C8A: variants seen among roughly 807,000 people sequenced by gnomAD.
C8A encodes the protein complement C8 alpha chain, also known as complement component C8 alpha chain.
Under a neutral mutation model 65.3 loss-of-function variants are expected in C8A, and 67 were observed. That is an observed-to-expected ratio of 1.03 (90% CI 0.84 to 1.26). The LOEUF (loss-of-function observed/expected upper bound fraction) is 1.26, where lower values mean the gene tolerates loss of function less well. Among genes scored for constraint, C8A ranks in the 50% most tolerant of loss-of-function variants. The probability of loss-of-function intolerance (pLI) is 0.00; values close to 1 mark genes in which losing one functional copy is unlikely to be tolerated. For synonymous variants in C8A, 290 were observed against 259.4 expected, an observed-to-expected ratio of 1.12 and a Z score of -1.13; for missense variants, 781 against 723.9, an observed-to-expected ratio of 1.08 and a Z score of -0.90.
Position 56,908,115 on chromosome 1 carries a change from TA to T in C8A, c.1380+4del. The T allele has an allele frequency of 6.2e-7, 1 of 1,614,032 alleles. No individual in the cohort carries two copies. Among genetic ancestry groups the T allele is most frequent in the Non-Finnish European group, 8.5e-7 (1 of 1,179,928 alleles). ...AATCCTGTTGTTATCGATTTTGAGG[TA>T]AGTCTTTTCGCAGTTGAAGAAACTC... On this transcript the variant is annotated splice_donor_region_variant and intron_variant, in intron 9 of 10. Coordinates refer to ENST00000361249, the MANE Select transcript of C8A (RefSeq NM_000562.3).
chr1:56,878,024 A>G (rs1006139942), intron 4 of C8A, among the ~76,000 whole-genome samples: 7 of 152,314 alleles, frequency 4.6e-5, no homozygotes, highest in African/African-American at 1.7e-4. Context: ...CTTTCTCACA[A>G]TTCTGGAGAC....
At chr1:56,907,024 T>C (rs1395431723) in intron 8 of C8A, among the ~76,000 whole-genome samples, 2 of 152,138 alleles carry the variant, frequency 1.3e-5, no homozygotes, top group South Asian at 2.1e-4. Flanking sequence ...CCCTCCTAGA[T>C]TTCAAGGGTT....
intron 6 of C8A, among the ~76,000 whole-genome samples, chr1:56,884,447 A>G (rs906796365): frequency 2.0e-5 from 3 of 152,180 alleles, no homozygotes; most frequent in Admixed American, 6.5e-5. Context: ...CATTAATACC[A>G]AGACTATGGA....
At chr1:56,912,712 TC>T in intron 10 of C8A, 87 bp downstream of exon 10, 1 of 1,225,378 alleles carries the variant, frequency 8.2e-7, no homozygotes, top group Non-Finnish European at 1.2e-6. Flanking sequence ...TCCCGGCCCC[TC>T]CTTTTGGAGC....
chr1:56,917,228 C>G (rs750395710), intron 10 of C8A, among the ~76,000 whole-genome samples: 1 of 152,202 alleles, frequency 6.6e-6, no homozygotes, highest in African/African-American at 2.4e-5. Flanking sequence ...AGGCATTTCC[C>G]CAAGGAGGAT....
chr1:56,881,546 G>A lies in C8A; in HGVS notation c.566G>A (p.Arg189Gln), dbSNP rs147003861. ...TVYNGEWREL[R>Q]YDSTCERLYY... ...TACAATGGGGAATGGAGGGAGCTTC[G>A]ATATGACTCCACCTGTGAACGTCTC... Residue 189 changes from arginine (R) to glutamine (Q), a missense_variant, in exon 5 of 11, where the codon CGA becomes CAA. Coordinates refer to ENST00000361249, the MANE Select transcript of C8A (RefSeq NM_000562.3). 3.3e-4 allele frequency: 540 copies of A among 1,613,622 alleles called. No individual in the cohort carries two copies. The highest frequency in any genetic ancestry group is 4.4e-4 in the Non-Finnish European group (516 of 1,179,736).
intron 7 of C8A, among the ~76,000 whole-genome samples, chr1:56,900,639 T>C (rs539852857): frequency 0.02 from 1,330 of 66,024 alleles, 10 homozygotes; most frequent in African/African-American, 0.095. Flanking sequence ...CTTTATAAAA[T>C]ATAGCATATT....
intron 2 of C8A, 49 bp from the exon 3 acceptor site, chr1:56,874,896 GTTGA>G (rs760474497): frequency 6.7e-5 from 108 of 1,605,156 alleles, no homozygotes; most frequent in Non-Finnish European, 8.3e-5. Context: ...ACAAGTCTTG[GTTGA>G]TTGATTGATT....
Position 56,886,060 on chromosome 1 carries a change from A to G in C8A, c.989A>G (p.Tyr330Cys). ...ELPDQYNYGMYAKFINDYGTH... is the reference protein window; with the variant it reads ...ELPDQYNYGMCAKFINDYGTH... Reference sequence around the variant, plus strand: ...CCAGATCAGTACAATTATGGCATGTATGCCAAGTTCATCAATGACTATGGC... The same window carrying G: ...CCAGATCAGTACAATTATGGCATGTGTGCCAAGTTCATCAATGACTATGGC... The change falls in exon 7 of 11, where the codon TAT becomes TGT. Residue 330 changes from tyrosine (Y) to cysteine (C), a missense_variant. Physicochemically the swap from Tyr to Cys is radical, Grantham distance 194. Coordinates refer to ENST00000361249, the MANE Select transcript of C8A (RefSeq NM_000562.3). 1.2e-6 allele frequency: 2 copies of G among 1,614,082 alleles called. No homozygotes were observed. Among genetic ancestry groups the G allele is most frequent in the Non-Finnish European group, 1.7e-6 (2 of 1,179,958 alleles).
intron 7 of C8A, among the ~76,000 whole-genome samples, chr1:56,889,977 A>G (rs531378419): frequency 2.2e-4 from 34 of 152,252 alleles, no homozygotes; most frequent in African/African-American, 7.5e-4. Context: ...TTTGGGGCTT[A>G]AATTTCTAGA....
intron 4 of C8A, among the ~76,000 whole-genome samples, chr1:56,880,967 G>A (rs1009267774): frequency 4.6e-5 from 7 of 152,126 alleles, no homozygotes; most frequent in Admixed American, 4.6e-4. Context: ...CATGATAATT[G>A]CACATATTCT....
intron 7 of C8A, among the ~76,000 whole-genome samples, chr1:56,892,565 C>T (rs529418636): frequency 2.6e-5 from 4 of 152,182 alleles, no homozygotes; most frequent in East Asian, 1.9e-4. Flanking sequence ...TCACCTCCTC[C>T]GTATCCACAA....
chr1:56,892,323 T>A (rs1644352899), intron 7 of C8A, among the ~76,000 whole-genome samples: 1 of 152,150 alleles, frequency 6.6e-6, no homozygotes, highest in Non-Finnish European at 1.5e-5. Context: ...CTAAGCTCCA[T>A]ACCAAGACTC....
intron 6 of C8A, among the ~76,000 whole-genome samples, chr1:56,884,883 C>A (rs757876388): frequency 2.6e-5 from 4 of 152,184 alleles, no homozygotes; most frequent in Non-Finnish European, 5.9e-5. Flanking sequence ...TAGTGTAATG[C>A]ATTCTACTAT....
rs1488038866 is a variant in C8A, at chr1:56,876,148, G to A, written c.403G>A (p.Ala135Thr). The A allele has an allele frequency of 1.2e-6, 2 of 1,613,838 alleles. No individual in the cohort carries two copies. The highest frequency in any genetic ancestry group is 2.7e-5 in the African/African-American group (2 of 74,914). Reference protein sequence around the residue: ...SDEDDCEDVRAIDEDCSQYEP... With the variant: ...SDEDDCEDVRTIDEDCSQYEP... ...TGAGGACGACTGTGAAGATGTCAGG[G>A]CCATTGACGAAGACTGCAGCCAGTA... The change falls in exon 4 of 11, where the codon GCC (alanine) becomes ACC (threonine). Residue 135 changes from alanine (A) to threonine (T), a missense_variant. Ala to Thr is a moderately conservative substitution (Grantham distance 58). Transcript: ENST00000361249.
chr1:56,862,764 G>C (rs983453302), intron 1 of C8A, among the ~76,000 whole-genome samples: 1 of 152,154 alleles, frequency 6.6e-6, no homozygotes, highest in Non-Finnish European at 1.5e-5. Context: ...CTTACTGATT[G>C]AGTAGATTTT....
At chr1:56,905,394 G>A (rs1209293524) in intron 7 of C8A, among the ~76,000 whole-genome samples, 1 of 152,200 alleles carries the variant, frequency 6.6e-6, no homozygotes, top group Non-Finnish European at 1.5e-5. Flanking sequence ...TGACTTCTAA[G>A]TTTCCTTCCA....
rs573218962 is a variant in C8A at position 56,912,499 on chromosome 1, G to C, written c.1477G>C (p.Glu493Gln). ...LRRALDQYLMEFNACRCGPCF... is the reference protein window; with the variant it reads ...LRRALDQYLMQFNACRCGPCF... ...CCGCGCCTTGGACCAGTATCTGATG[G>C]AATTCAATGCCTGCCGATGTGGGCC... Residue 493 changes from glutamate to glutamine, a missense_variant, in exon 10 of 11, where the codon GAA (glutamate) becomes CAA (glutamine). Transcript: ENST00000361249. 1.2e-6 allele frequency: 2 copies of C among 1,614,216 alleles called. No homozygotes were observed. The highest frequency in any genetic ancestry group is 3.3e-5 in the Admixed American group (2 of 60,032).
Position 56,876,081 on chromosome 1 carries a change from C to T in C8A, c.336C>T (p.His112=). The change falls in exon 4 of 11, where the codon CAC becomes CAT. Residue 112 remains histidine, a synonymous_variant. Transcript: ENST00000361249. ...CKETGRCLKR[H]LVCNGDQDCL... ...CTCCAGGTCGCTGCCTGAAACGCCACCTTGTGTGTAATGGAGACCAGGACT... is the reference window on the plus strand; with the variant it reads ...CTCCAGGTCGCTGCCTGAAACGCCATCTTGTGTGTAATGGAGACCAGGACT... 1 of 1,613,716 alleles carries T rather than the reference C, an allele frequency of 6.2e-7. No homozygotes were observed.
Sources: gnomAD v4.1 joint callset for allele counts (sites outside exome capture counted in the v4.1 genomes callset) on GRCh38, gnomAD v4.1.1 for gene constraint, MANE v1.5 for transcripts, NCBI Gene and HGNC (gene_info 2026-07-23, HGNC 2026-07-21) for gene names.